The following NT5C1B variants were observed in gnomAD, a reference collection of about 807,000 sequenced individuals.
NT5C1B encodes the protein 5'-nucleotidase, cytosolic IB.
NT5C1B carries 44 observed loss-of-function variants against 57.8 expected under a neutral mutation model. That is an observed-to-expected ratio of 0.76 (90% CI 0.60 to 0.98). The LOEUF (loss-of-function observed/expected upper bound fraction) is 0.98, where lower values mean the gene tolerates loss of function less well. Among genes scored for constraint, NT5C1B ranks in the 50% least tolerant of loss-of-function variants. NT5C1B has a pLI of 0.00. For missense variants in NT5C1B, 742 were observed against 719.5 expected (o/e 1.03, Z -0.36); for synonymous variants, 284 against 282.6 (o/e 1.00, Z -0.05).
chr2:18,587,181 A>T (rs766055673), intron 2 of NT5C1B: 2 of 1,610,364 alleles, frequency 1.2e-6, no homozygotes, highest in South Asian at 2.2e-5. Context: ...CATCTGAAAG[A>T]TTGTGCAGAA....
intron 8 of NT5C1B, among the ~76,000 whole-genome samples, chr2:18,565,249 T>C (rs1253429067): frequency 6.6e-6 from 1 of 152,192 alleles, no homozygotes; most frequent in Non-Finnish European, 1.5e-5. Flanking sequence ...TTTGTTCATT[T>C]GTACGGTTGT....
chr2:18,587,117 G>T, intron 2 of NT5C1B: 1 of 1,614,178 alleles, frequency 6.2e-7, no homozygotes, highest in African/African-American at 1.3e-5. Flanking sequence ...TACACGACGA[G>T]TGACCCTGGA....
intron 3 of NT5C1B, among the ~76,000 whole-genome samples, chr2:18,585,371 C>T (rs1054754646): frequency 5.3e-5 from 8 of 152,192 alleles, no homozygotes; most frequent in Non-Finnish European, 1.0e-4. Flanking sequence ...ATGGATCTTG[C>T]TTGGCCAGTG....
intron 2 of NT5C1B, chr2:18,587,144 C>G (rs76041976): frequency 1.2e-6 from 2 of 1,613,680 alleles, no homozygotes; most frequent in Non-Finnish European, 1.7e-6. Context: ...AACATCTCAG[C>G]GAGTGATTCG....
exon 3 of NT5C1B, chr2:18,586,297 G>T: frequency 6.2e-7 from 1 of 1,614,128 alleles, no homozygotes; most frequent in Non-Finnish European, 8.5e-7. Flanking sequence ...TATGGATGGA[G>T]CCTTGGTGGA....
intron 8 of NT5C1B, among the ~76,000 whole-genome samples, chr2:18,571,417 C>A (rs1405477842): frequency 1.3e-5 from 2 of 150,268 alleles, no homozygotes; most frequent in African/African-American, 2.5e-5. Flanking sequence ...ATGATAGTAC[C>A]AAAATATTAC....
At chr2:18,587,462 G>T (rs1238291962) in intron 2 of NT5C1B, 41 bp downstream of exon 2, 1 of 1,600,258 alleles carries the variant, frequency 6.2e-7, no homozygotes, top group East Asian at 2.2e-5. Context: ...TATGCTTTCT[G>T]CTCCTTAATT....
At chr2:18,574,355 T>C (rs1665479471) in intron 8 of NT5C1B, among the ~76,000 whole-genome samples, 1 of 152,112 alleles carries the variant, frequency 6.6e-6, no homozygotes, top group African/African-American at 2.4e-5. Context: ...GTAGAGAATG[T>C]GGAACCCTTA....
exon 9 of NT5C1B, chr2:18,563,730 T>C: frequency 7.0e-7 from 1 of 1,433,898 alleles, no homozygotes; most frequent in East Asian, 2.3e-5. Context: ...CTAATTATCC[T>C]AGAGAGCCAA....
chr2:18,584,941 G>C lies in NT5C1B; in HGVS notation c.296C>G (p.Thr99Ser). ...TGAGGAGTCATGCAGGCTTGGGGAGGTGGATGGAGTCCGGGAGCTCGTGGA... is the reference window on the plus strand; with the variant it reads ...TGAGGAGTCATGCAGGCTTGGGGAGCTGGATGGAGTCCGGGAGCTCGTGGA... Residue 99 changes from threonine to serine, a missense_variant, in exon 4 of 9, where the codon ACC becomes AGC. Coordinates refer to ENST00000304081, the Ensembl canonical transcript of NT5C1B. This position sits in a 1 kb window ranked among gnomAD's most constrained non-coding sequence, Gnocchi z 5.8. The C allele has an allele frequency of 6.5e-7, 1 of 1,539,932 alleles. No homozygotes were observed. Among genetic ancestry groups the C allele is most frequent in the Non-Finnish European group, 8.7e-7 (1 of 1,150,300 alleles).
At chr2:18,570,372 C>T (rs1665040915) in intron 8 of NT5C1B, among the ~76,000 whole-genome samples, 1 of 151,924 alleles carries the variant, frequency 6.6e-6, no homozygotes, top group Non-Finnish European at 1.5e-5. Flanking sequence ...AAAGAAAAGA[C>T]ACAAATTACT....
exon 8 of NT5C1B, chr2:18,576,361 G>A: frequency 1.2e-6 from 2 of 1,612,046 alleles, no homozygotes; most frequent in East Asian, 2.2e-5. Context: ...TTGTCGCAGA[G>A]GCAATACCTG....
In NT5C1B at chr2:18,579,647, G is replaced by T. The variant is rs140649455; in HGVS notation, c.1022-2752C>A. On this transcript the variant is annotated intron_variant, in intron 6 of 8. Coordinates refer to ENST00000304081, the Ensembl canonical transcript of NT5C1B. Reference sequence around the variant, plus strand: ...CAGATACAAAAATTAACTCAAGATGGATTAAAGACTTAAACATAAAACTCA... The same window carrying T: ...CAGATACAAAAATTAACTCAAGATGTATTAAAGACTTAAACATAAAACTCA... Among the ~76,000 whole-genome samples, 1,519 of 152,164 alleles carry T rather than the reference G, an allele frequency of 1.0e-2. 37 individuals are homozygous for T. Among genetic ancestry groups the T allele is most frequent in the African/African-American group, 0.035 (1,448 of 41,518 alleles).
At position 18,587,517 on chromosome 2, in the gene NT5C1B, G is replaced by A. The variant is rs750593394; in HGVS notation, c.106C>T (p.Arg36Cys). Residue 36 changes from arginine to cysteine, a missense_variant, in exon 2 of 9, where the codon CGT (arginine) becomes TGT (cysteine). Transcript: ENST00000304081. Reference sequence around the variant, plus strand: ...GATCAGCTCACCTGATTGCTCAGACGAACTCCTGTTTTGTCAGATTCCTTT... The same window carrying A: ...GATCAGCTCACCTGATTGCTCAGACAAACTCCTGTTTTGTCAGATTCCTTT... The A allele has an allele frequency of 6.0e-5, 97 of 1,613,660 alleles. No individual in the cohort carries two copies. Among genetic ancestry groups the A allele is most frequent in the Non-Finnish European group, 7.6e-5 (90 of 1,179,994 alleles).
At chr2:18,588,510 T>C (rs1336632582) in intron 1 of NT5C1B, among the ~76,000 whole-genome samples, 2 of 152,216 alleles carry the variant, frequency 1.3e-5, no homozygotes, top group Non-Finnish European at 2.9e-5. Flanking sequence ...ACTCCTGAAC[T>C]AATTTTAAAA....
At chr2:18,586,286 C>T (rs201205997) in exon 3 of NT5C1B, 13 of 1,614,048 alleles carry the variant, frequency 8.1e-6, no homozygotes, top group Non-Finnish European at 1.1e-5. Flanking sequence ...CTAGGCTCAT[C>T]TATGGATGGA....
chr2:18,584,106 C>T lies in NT5C1B; in HGVS notation c.873G>A (p.Pro291=), dbSNP rs926597022. The T allele has an allele frequency of 3.7e-6, 6 of 1,614,026 alleles. No individual in the cohort carries two copies. Among genetic ancestry groups the T allele is most frequent in the Non-Finnish European group, 5.1e-6 (6 of 1,180,044 alleles). ...AGAATACCTTGACGAAGCGGAACGC[C>T]GGGCCCGGGGTCAGGATGACGTTCT... is the stretch of plus-strand genomic sequence containing the variant. Residue 291 remains proline, a synonymous_variant, in exon 5 of 9, where the codon CCG becomes CCA. Coordinates refer to ENST00000304081, the Ensembl canonical transcript of NT5C1B. The surrounding 1 kb of genome is among the most constrained non-coding windows in gnomAD (Gnocchi z 5.8).
rs1338767266 is a variant in NT5C1B at position 18,587,598 on chromosome 2, C to G, written c.31-6G>C. 6.2e-7 allele frequency: 1 copy of G among 1,607,272 alleles called. No homozygotes were observed. The highest frequency in any genetic ancestry group is 8.5e-7 in the Non-Finnish European group (1 of 1,178,838). On this transcript the variant is annotated splice_region_variant and splice_polypyrimidine_tract_variant and intron_variant, in intron 1 of 8. Coordinates refer to ENST00000304081, the Ensembl canonical transcript of NT5C1B. ...GACCTCATTCCAGGCTCATTCTTGA[C>G]AAGGAAACAAAGAATGTTTATTAAT...
intron 5 of NT5C1B, chr2:18,583,828 T>A: frequency 1.5e-6 from 1 of 663,202 alleles, no homozygotes; most frequent in Non-Finnish European, 2.8e-6. Context: ...GAGAGAGGTT[T>A]CTGTTACAAG....
Sources: allele counts gnomAD v4.1 joint callset (sites outside exome capture counted in the v4.1 genomes callset), GRCh38; gene constraint gnomAD v4.1.1; non-coding constraint Gnocchi (gnomAD v3.1); transcripts MANE v1.5; gene names NCBI Gene and HGNC (gene_info 2026-07-23, HGNC 2026-07-21).